Variants in SDHAF3 observed in about 807,000 individuals in gnomAD.
SDHAF3 encodes succinate dehydrogenase complex assembly factor 3, also known as succinate dehydrogenase assembly factor 3, mitochondrial.
Under a neutral mutation model 11.5 loss-of-function variants are expected in SDHAF3, and 18 were observed. The ratio of observed to expected loss-of-function variants is 1.56; its 90% CI spans 1.08 to 2.32. SDHAF3 has a LOEUF of 2.32. SDHAF3 is among the 30% of genes most tolerant of loss of function. The pLI is 0.00. For missense variants in SDHAF3, 200 were observed against 154.4 expected (o/e 1.30, Z -1.57); for synonymous variants, 72 against 59.3 (o/e 1.21, Z -0.99).
intron 1 of SDHAF3, 94 bp from the exon 2 acceptor site, chr7:97,180,918 G>A: frequency 9.1e-7 from 1 of 1,098,904 alleles, no homozygotes; most frequent in East Asian, 2.6e-5. Context: ...TACTGATGAG[G>A]AAAAATAGGT....
chr7:97,176,622 C>G (rs563579111), intron 1 of SDHAF3, among the ~76,000 whole-genome samples: 1 of 152,228 alleles, frequency 6.6e-6, no homozygotes, highest in African/African-American at 2.4e-5. Context: ...GAGTCAAAGA[C>G]TAGTCGGTAA....
At chr7:97,149,771 C>T (rs60195718) in intron 1 of SDHAF3, among the ~76,000 whole-genome samples, 27,572 of 152,158 alleles carry the variant, frequency 0.18, 2,967 homozygotes, top group Non-Finnish European at 0.25. Context: ...TTTAGGGTAG[C>T]TGTGGCAATT....
intron 1 of SDHAF3, among the ~76,000 whole-genome samples, chr7:97,127,241 A>G (rs1276972986): frequency 6.6e-6 from 1 of 152,182 alleles, no homozygotes; most frequent in Non-Finnish European, 1.5e-5. Flanking sequence ...AGCTGTTCCT[A>G]TTTGGCTATC....
intron 1 of SDHAF3, among the ~76,000 whole-genome samples, chr7:97,169,180 G>C (rs937954307): frequency 4.6e-5 from 7 of 152,132 alleles, no homozygotes; most frequent in African/African-American, 1.7e-4. Flanking sequence ...ACAAAAGTTA[G>C]CTGGGCATGG....
At chr7:97,169,884 TTC>T (rs1789578584) in intron 1 of SDHAF3, among the ~76,000 whole-genome samples, 1 of 152,200 alleles carries the variant, frequency 6.6e-6, no homozygotes, top group Non-Finnish European at 1.5e-5. Context: ...GAAGAATTTT[TTC>T]AAAAGCCTTT....
chr7:97,126,991 A>G (rs549528541), intron 1 of SDHAF3, among the ~76,000 whole-genome samples: 24 of 152,322 alleles, frequency 1.6e-4, no homozygotes, highest in African/African-American at 5.3e-4. Context: ...GGAAAAGCAT[A>G]GTATCTGGGC....
At chr7:97,140,843 G>A (rs1789023103) in intron 1 of SDHAF3, among the ~76,000 whole-genome samples, 1 of 152,198 alleles carries the variant, frequency 6.6e-6, no homozygotes, top group Admixed American at 6.5e-5. Context: ...TGGGCACCTT[G>A]AAAAAAGAAC....
intron 1 of SDHAF3, among the ~76,000 whole-genome samples, chr7:97,146,214 T>C (rs1789131812): frequency 6.6e-6 from 1 of 152,212 alleles, no homozygotes; most frequent in African/African-American, 2.4e-5. Context: ...TTCTGGCCTT[T>C]TTAAATGTGC....
At chr7:97,167,110 AACC>A (rs1008449111) in intron 1 of SDHAF3, among the ~76,000 whole-genome samples, 4 of 151,220 alleles carry the variant, frequency 2.6e-5, no homozygotes, top group Non-Finnish European at 5.9e-5. Flanking sequence ...ATTTACGTGT[AACC>A]ACCTGATATG....
intron 1 of SDHAF3, among the ~76,000 whole-genome samples, chr7:97,146,618 G>A (rs891811935): frequency 2.6e-5 from 4 of 151,908 alleles, no homozygotes; most frequent in Non-Finnish European, 4.4e-5. Flanking sequence ...TTAATTGCCT[G>A]ATATCTTTTT....
intron 1 of SDHAF3, among the ~76,000 whole-genome samples, chr7:97,121,430 T>A (rs1205509703): frequency 6.6e-6 from 1 of 152,250 alleles, no homozygotes; most frequent in Non-Finnish European, 1.5e-5. Flanking sequence ...TTCTGAGTTG[T>A]CTCTTGCCTA....
intron 1 of SDHAF3, among the ~76,000 whole-genome samples, chr7:97,121,940 C>G (rs372595100): frequency 6.7e-6 from 1 of 148,288 alleles, no homozygotes; most frequent in East Asian, 2.1e-4. Context: ...TTACTGCAAA[C>G]TCCGCCTCCC....
intron 1 of SDHAF3, among the ~76,000 whole-genome samples, chr7:97,143,277 G>C (rs558329397): frequency 6.6e-6 from 1 of 152,002 alleles, no homozygotes; most frequent in Non-Finnish European, 1.5e-5. Context: ...GCTAGGGTAA[G>C]CTAATACCCT....
chr7:97,164,565 GGGTTTCTCCATGTT>G (rs1789472543), intron 1 of SDHAF3, among the ~76,000 whole-genome samples: 1 of 151,308 alleles, frequency 6.6e-6, no homozygotes, highest in Non-Finnish European at 1.5e-5. Context: ...TAGTAGAGAT[GGGTTTCTCCATGTT>G]GATCAGGCTG....
At chr7:97,151,740 C>T (rs1194977341) in intron 1 of SDHAF3, among the ~76,000 whole-genome samples, 4 of 152,074 alleles carry the variant, frequency 2.6e-5, no homozygotes, top group African/African-American at 7.2e-5. Context: ...ACCTCGTGAT[C>T]TGCCTGCCTC....
intron 1 of SDHAF3, among the ~76,000 whole-genome samples, chr7:97,127,350 G>A (rs2115626993): frequency 6.6e-6 from 1 of 152,272 alleles, no homozygotes; most frequent in Non-Finnish European, 1.5e-5. Flanking sequence ...TCTTGATTAT[G>A]TTCAATTCTT....
At chr7:97,128,390 A>G (rs1024086988) in intron 1 of SDHAF3, among the ~76,000 whole-genome samples, 2 of 152,228 alleles carry the variant, frequency 1.3e-5, no homozygotes, top group African/African-American at 4.8e-5. Context: ...TGCTCATGAT[A>G]AAGTAACAAA....
chr7:97,172,491 T>C (rs893813954), intron 1 of SDHAF3, among the ~76,000 whole-genome samples: 3 of 152,208 alleles, frequency 2.0e-5, no homozygotes, highest in Admixed American at 6.5e-5. Flanking sequence ...TCCAATTCTC[T>C]TCCAACACTG....
At chr7:97,153,896 T>C (rs1032987826) in intron 1 of SDHAF3, among the ~76,000 whole-genome samples, 1 of 152,212 alleles carries the variant, frequency 6.6e-6, no homozygotes, top group Non-Finnish European at 1.5e-5. Flanking sequence ...TATAGTGATA[T>C]CTCGTGTTTT....
Sources: gnomAD v4.1 joint callset for allele counts (sites outside exome capture counted in the v4.1 genomes callset) on GRCh38, gnomAD v4.1.1 for gene constraint, MANE v1.5 for transcripts, NCBI Gene and HGNC (gene_info 2026-07-23, HGNC 2026-07-21) for gene names.